MYH11: variants seen among roughly 807,000 people sequenced by gnomAD.
The protein encoded by MYH11 is myosin-11.
MYH11 carries 80 observed loss-of-function variants against 246.6 expected under a neutral mutation model. The ratio of observed to expected loss-of-function variants is 0.32; its 90% CI spans 0.27 to 0.39. MYH11 has a LOEUF of 0.39. Among genes scored for constraint, MYH11 ranks in the 10% least tolerant of loss-of-function variants. The pLI, the probability that MYH11 is intolerant of heterozygous loss-of-function variation, is 1.00. For missense variants in MYH11, 2,158 were observed against 2,546.8 expected (o/e 0.85, Z 3.29); for synonymous variants, 1,071 against 1,015.5 (o/e 1.05, Z -1.04).
chr16:15,788,077 C>CTTTTTTTTTTTTTTTTGTTTTTTTTTTT (rs2042516090), intron 4 of MYH11, among the ~76,000 whole-genome samples: 1 of 55,376 alleles, frequency 1.8e-5, no homozygotes, highest in Admixed American at 2.2e-4. Flanking sequence ...GAAGGTAGAT[C>CTTTTTTTTTTTTTTTTGTTTTTTTTTTT]TTTTTTTTTT....
chr16:15,759,781 C>T (rs755700943), intron 11 of MYH11, 53 bp from the exon 12 acceptor site: 22 of 1,607,234 alleles, frequency 1.4e-5, no homozygotes, highest in Non-Finnish European at 1.9e-5. Flanking sequence ...TCCATTTTCA[C>T]ATAAGCCAGG....
At chr16:15,761,111 T>C (rs568961158) in intron 10 of MYH11, among the ~76,000 whole-genome samples, 46 of 152,230 alleles carry the variant, frequency 3.0e-4, no homozygotes, top group Admixed American at 2.9e-3. Flanking sequence ...TATTTGTTTA[T>C]TTATTTATTT....
intron 9 of MYH11, among the ~76,000 whole-genome samples, chr16:15,770,128 C>A (rs1199746076): frequency 6.6e-6 from 1 of 152,164 alleles, no homozygotes; most frequent in East Asian, 1.9e-4. Flanking sequence ...TGAAATGAAT[C>A]ATTCTTGGAG....
intron 26 of MYH11, 75 bp downstream of exon 26, chr16:15,735,291 G>C (rs1461903377): frequency 1.3e-6 from 2 of 1,540,526 alleles, no homozygotes; most frequent in Non-Finnish European, 1.8e-6. Context: ...ATTTGCTTTG[G>C]GTTTGTCCCC....
At chr16:15,710,101 T>C (rs185147717) in intron 40 of MYH11, among the ~76,000 whole-genome samples, 39 of 152,338 alleles carry the variant, frequency 2.6e-4, no homozygotes, top group African/African-American at 8.9e-4. Flanking sequence ...ACCTTCCACC[T>C]GCATTATGTG....
chr16:15,827,623 A>G (rs1455852269), intron 2 of MYH11, among the ~76,000 whole-genome samples: 1 of 152,192 alleles, frequency 6.6e-6, no homozygotes. Flanking sequence ...AAGTGCCTTG[A>G]GTCCGGGGAA....
chr16:15,714,839 A>G (rs2151191506), intron 40 of MYH11, 70 bp downstream of exon 40: 1 of 1,591,350 alleles, frequency 6.3e-7, no homozygotes, highest in Non-Finnish European at 8.6e-7. Flanking sequence ...GCAGGCCGAA[A>G]GGAGCCCGAG....
chr16:15,747,812 C>T, intron 18 of MYH11, 62 bp downstream of exon 18: 1 of 1,612,696 alleles, frequency 6.2e-7, no homozygotes, highest in South Asian at 1.1e-5. Context: ...ACGGTCCCAC[C>T]AAGAGCAGCA....
Position 15,771,675 on chromosome 16 carries a change from G to C in MYH11, c.927C>G (p.Phe309Leu). 1 of 1,614,126 alleles carries C rather than the reference G, an allele frequency of 6.2e-7. No homozygotes were observed. The highest frequency in any genetic ancestry group is 8.5e-7 in the Non-Finnish European group (1 of 1,180,024). ...LLLEGFNNYT[F>L]LSNGFVPIPA... ...GGATGGGCACAAAGCCATTGGAGAG[G>C]AAGGTGTAGTTGTTGAAGCCCTCCA... Residue 309 changes from phenylalanine (F) to leucine (L), a missense_variant, in exon 9 of 41, where the codon TTC becomes TTG. Coordinates refer to ENST00000300036, the MANE Select transcript of MYH11 (RefSeq NM_002474.3).
In MYH11 at chr16:15,719,312, G is replaced by T. The variant is rs762269040; in HGVS notation, c.5083-4C>A. The T allele has an allele frequency of 4.3e-6, 7 of 1,610,098 alleles. No homozygotes were observed. Among genetic ancestry groups the T allele is most frequent in the Admixed American group, 1.7e-5 (1 of 59,970 alleles). On this transcript the variant is annotated splice_region_variant and splice_polypyrimidine_tract_variant and intron_variant, in intron 35 of 40. Coordinates refer to ENST00000300036, the MANE Select transcript of MYH11 (RefSeq NM_002474.3). ...CCCTCTCAGCGGCGGCGAGGTCCTA[G>T]GTGGGAGGGAGGAAGGCTGTTGTCT...
At chr16:15,716,507 T>C (rs1258271452) in intron 38 of MYH11, among the ~76,000 whole-genome samples, 2 of 151,888 alleles carry the variant, frequency 1.3e-5, no homozygotes, top group Middle Eastern at 3.4e-3. Flanking sequence ...GGACTTTTGT[T>C]TTTTGGGGTT....
chr16:15,708,109 T>G (rs977601117), intron 40 of MYH11, among the ~76,000 whole-genome samples: 2 of 152,102 alleles, frequency 1.3e-5, no homozygotes, highest in African/African-American at 4.8e-5. Context: ...CAGAAAAGGC[T>G]CTGCCAGGAC....
chr16:15,737,501 G>A lies in MYH11; in HGVS notation c.3241C>T (p.Leu1081Phe). ...TCCTTCTTGGCCAGCTGCATCTTGA[G>A]CTCTGCGATCTGCGCCTGGAGGTCA... ...IADLQAQIAE[L>F]KMQLAKKEEE... Residue 1081 changes from leucine to phenylalanine, a missense_variant, in exon 25 of 41, where the codon CTC becomes TTC. This residue lies in a region of MYH11 where 284 missense variants were observed against 315.4 expected (regional missense o/e 0.90). Coordinates refer to ENST00000300036, the MANE Select transcript of MYH11 (RefSeq NM_002474.3). The A allele has an allele frequency of 1.9e-6, 3 of 1,613,946 alleles. No individual in the cohort carries two copies. Among genetic ancestry groups the A allele is most frequent in the Non-Finnish European group, 1.7e-6 (2 of 1,180,042 alleles).
chr16:15,759,526 C>A, intron 12 of MYH11, 50 bp downstream of exon 12: 1 of 1,613,494 alleles, frequency 6.2e-7, no homozygotes, highest in Non-Finnish European at 8.5e-7. Flanking sequence ...AAGAAAAAGC[C>A]CATCTCAGAC....
At chr16:15,793,996 T>G (rs1234582437) in intron 4 of MYH11, among the ~76,000 whole-genome samples, 2 of 134,796 alleles carry the variant, frequency 1.5e-5, no homozygotes, top group Admixed American at 1.6e-4. Context: ...CAGGCTGGAG[T>G]GCAGTGGTGC....
chr16:15,744,770 T>C (rs2041370964), intron 20 of MYH11, among the ~76,000 whole-genome samples: 1 of 152,248 alleles, frequency 6.6e-6, no homozygotes, highest in Non-Finnish European at 1.5e-5. Context: ...CCCAAAGTGC[T>C]GGGATTACAG....
rs2041544572 is a variant in MYH11, at chr16:15,750,738, A to G, written c.1865-407T>C. Reference sequence around the variant, plus strand: ...CCTGCCAGCCTCCAATCTTTCATCCACCAACAAATAGTTATTGAGGACCTT... The same window carrying G: ...CCTGCCAGCCTCCAATCTTTCATCCGCCAACAAATAGTTATTGAGGACCTT... On this transcript the variant is annotated intron_variant, in intron 15 of 40. Transcript: ENST00000300036. The surrounding 1 kb of genome is among the most constrained non-coding windows in gnomAD (Gnocchi z 4.3). Among the ~76,000 whole-genome samples, 2 of 151,836 alleles carry G rather than the reference A, an allele frequency of 1.3e-5. No individual in the cohort carries two copies. The highest frequency in any genetic ancestry group is 1.9e-4 in the East Asian group (1 of 5,158).
chr16:15,830,216 C>T (rs2043697067), intron 2 of MYH11, among the ~76,000 whole-genome samples: 4 of 152,098 alleles, frequency 2.6e-5, no homozygotes, highest in Admixed American at 2.6e-4. Flanking sequence ...AGACCTACCC[C>T]TGAGCTTCCT....
chr16:15,829,314 G>A (rs2043663570), intron 2 of MYH11, among the ~76,000 whole-genome samples: 1 of 152,194 alleles, frequency 6.6e-6, no homozygotes, highest in Non-Finnish European at 1.5e-5. Context: ...CTCTCCCAGT[G>A]CCGTGCACAC....
Sources: gnomAD v4.1 joint callset for allele counts (sites outside exome capture counted in the v4.1 genomes callset) on GRCh38, gnomAD v4.1.1 for gene constraint, gnomAD v4.1.1 regional missense constraint, Gnocchi (gnomAD v3.1) non-coding constraint, MANE v1.5 for transcripts, NCBI Gene and HGNC (gene_info 2026-07-23, HGNC 2026-07-21) for gene names.